BICRA: variants seen among roughly 807,000 people sequenced by gnomAD.
The protein encoded by BICRA is BRD4 interacting chromatin remodeling complex associated protein.
Under a neutral mutation model 96.9 loss-of-function variants are expected in BICRA, and 31 were observed. That is an observed-to-expected ratio of 0.32 (90% CI 0.24 to 0.43). BICRA has a LOEUF of 0.43. BICRA is among the 20% of genes least tolerant of loss of function. The pLI, the probability that BICRA is intolerant of heterozygous loss-of-function variation, is 1.00. For synonymous variants in BICRA, 1,350 were observed against 1,071.8 expected, an observed-to-expected ratio of 1.26 and a Z score of -5.07; for missense variants, 2,283 against 2,190.3, an observed-to-expected ratio of 1.04 and a Z score of -0.84.
chr19:47,637,748 A>G (rs2123530955), intron 1 of BICRA, among the ~76,000 whole-genome samples: 1 of 152,176 alleles, frequency 6.6e-6, no homozygotes, highest in Middle Eastern at 3.4e-3. Flanking sequence ...TCCTGTCTCC[A>G]TGGATTTGCC....
chr19:47,695,087 G>C lies in BICRA; in HGVS notation c.3076+7G>C. 6.7e-7 allele frequency: 1 copy of C among 1,489,100 alleles called. No individual in the cohort carries two copies. The highest frequency in any genetic ancestry group is 8.9e-7 in the Non-Finnish European group (1 of 1,127,610). The allele number at this position is 1,489,100 out of a possible 1,614,324, so 92.2% of individuals were successfully genotyped here. A position where few individuals can be genotyped will look rare whatever the true frequency, so the allele number is the denominator to read the frequency against. The stretch of plus-strand genomic sequence containing the variant: ...GCACCCATGGCCGCCACAGGTAGGA[G>C]AGAGGTCGCCTATGTGCCCAGGGAG... On this transcript the variant is annotated splice_region_variant and intron_variant, in intron 9 of 14. Coordinates refer to ENST00000594866, the MANE Select transcript of BICRA (RefSeq NM_001394372.1).
At position 47,680,556 on chromosome 19, in the gene BICRA, C is replaced by A. The variant is rs768766058; in HGVS notation, c.1386C>A (p.Ala462=). The change falls in exon 6 of 15, where the codon GCC becomes GCA. Residue 462 remains alanine, a synonymous_variant. Coordinates refer to ENST00000594866, the MANE Select transcript of BICRA (RefSeq NM_001394372.1). ...AAGGCAGCAGCATCGTCATCCCCGCCCAGCACATGCTGCCGGGCCAGAACC... is the reference window on the plus strand; with the variant it reads ...AAGGCAGCAGCATCGTCATCCCCGCACAGCACATGCTGCCGGGCCAGAACC... ...LNQGSSIVIP[A]QHMLPGQNQF... The A allele has an allele frequency of 3.8e-6, 6 of 1,590,816 alleles. No individual in the cohort carries two copies. The Admixed American group carries it at 1.1e-4, about 28-fold the overall frequency.
chr19:47,674,656 G>A (rs1972915133), intron 4 of BICRA, among the ~76,000 whole-genome samples: 2 of 152,200 alleles, frequency 1.3e-5, no homozygotes, highest in South Asian at 4.1e-4. Context: ...CCAAAGGTTT[G>A]ACTGGGGCTG....
chr19:47,624,394 C>T (rs1029090600), intron 1 of BICRA, among the ~76,000 whole-genome samples: 3 of 152,082 alleles, frequency 2.0e-5, no homozygotes, highest in Non-Finnish European at 4.4e-5. Flanking sequence ...CACAATAGAG[C>T]GAGCCACACA....
rs1973042032 is a variant in BICRA at position 47,680,991 on chromosome 19, C to T, written c.1821C>T (p.Thr607=). Residue 607 remains threonine, a synonymous_variant, in exon 6 of 15, where the codon ACC becomes ACT. Coordinates refer to ENST00000594866, the MANE Select transcript of BICRA (RefSeq NM_001394372.1). ...CCGACGGCCTGGTGCAGCCGGCCAC[C>T]CCTGCCGCTGCCACCGGGGAGGCCG... is the stretch of plus-strand genomic sequence containing the variant. ...NTPDGLVQPA[T]PAAATGEAAP... 2.7e-6 allele frequency: 4 copies of T among 1,462,572 alleles called. No individual in the cohort carries two copies. The highest frequency in any genetic ancestry group is 1.5e-5 in the African/African-American group (1 of 67,232). 90.6% of individuals were successfully genotyped at this position (1,462,572 alleles called of 1,614,324 possible).
At chr19:47,610,349 G>T (rs1420072234) in intron 1 of BICRA, among the ~76,000 whole-genome samples, 4 of 152,244 alleles carry the variant, frequency 2.6e-5, no homozygotes, top group Non-Finnish European at 4.4e-5. Context: ...GGAGGACCGG[G>T]CAAGGAGCCG....
chr19:47,685,786 T>TGTGTGTGCGC, intron 7 of BICRA, among the ~76,000 whole-genome samples: 1,574 of 117,878 alleles, frequency 0.013, 10 homozygotes, highest in Non-Finnish European at 0.018. Context: ...TGTGTGTGTG[T>TGTGTGTGCGC]GCGCGCGCGC....
At chr19:47,610,740 A>G (rs1407690764) in intron 1 of BICRA, among the ~76,000 whole-genome samples, 1 of 152,074 alleles carries the variant, frequency 6.6e-6, no homozygotes, top group Admixed American at 6.6e-5. Flanking sequence ...TCAAGGCCTG[A>G]GATTCATGAT....
chr19:47,648,937 C>T (rs1482945338), intron 1 of BICRA, among the ~76,000 whole-genome samples: 5 of 151,592 alleles, frequency 3.3e-5, no homozygotes, highest in South Asian at 2.1e-4. Flanking sequence ...CTGCAAGCTC[C>T]GCCTCCTGGG....
intron 10 of BICRA, among the ~76,000 whole-genome samples, chr19:47,696,220 A>C (rs10423076): frequency 2.0e-5 from 3 of 151,810 alleles, no homozygotes; most frequent in Admixed American, 2.0e-4. Context: ...GGCAGAGGAC[A>C]CCCAGGGCTC....
At position 47,701,074 on chromosome 19, in the gene BICRA, A is replaced by G. The variant is rs1200786138; in HGVS notation, c.3596-254A>G. 4 of 519,020 alleles carry G rather than the reference A, an allele frequency of 7.7e-6. No individual in the cohort carries two copies. The highest frequency in any genetic ancestry group is 2.0e-5 in the African/African-American group (1 of 51,038). 32.2% of individuals were successfully genotyped at this position (519,020 alleles called of 1,614,324 possible). A position where few individuals can be genotyped will look rare whatever the true frequency, so the allele number is the denominator to read the frequency against. On this transcript the variant is annotated intron_variant, in intron 14 of 14. Coordinates refer to ENST00000594866, the MANE Select transcript of BICRA (RefSeq NM_001394372.1). This position sits in a 1 kb window ranked among gnomAD's most constrained non-coding sequence, Gnocchi z 5.4. ...ATTACAGGCCTGAGCCTTGTTTTGT[A>G]TTCTCTTAATTTACTTATGTCTGAA...
intron 1 of BICRA, among the ~76,000 whole-genome samples, chr19:47,648,215 A>C (rs773470731): frequency 5.5e-5 from 8 of 145,446 alleles, no homozygotes; most frequent in Non-Finnish European, 1.2e-4. Flanking sequence ...CTGAGCCCGC[A>C]GTGGCTGCCT....
intron 1 of BICRA, among the ~76,000 whole-genome samples, chr19:47,611,001 C>T (rs1042715836): frequency 1.3e-5 from 2 of 152,138 alleles, no homozygotes; most frequent in African/African-American, 2.4e-5. Context: ...GTACATTACA[C>T]GCTGGCCACA....
rs567240700 is a variant in BICRA at position 47,612,640 on chromosome 19, TG to T, written c.-108+3478del. 7.2e-3 allele frequency among the ~76,000 whole-genome samples: 1,063 copies of T among 148,390 alleles called. 7 individuals are homozygous for T. The highest frequency in any genetic ancestry group is 0.017 in the Middle Eastern group (5 of 292). ...GGCTGGGGGGCTGAGGGAGAGGGGCTGGGGGGCTGACGGAGAGGGGCTGGAC... is the reference window on the plus strand; with the variant it reads ...GGCTGGGGGGCTGAGGGAGAGGGGCTGGGGGCTGACGGAGAGGGGCTGGAC... On this transcript the variant is annotated intron_variant, in intron 1 of 14. Coordinates refer to ENST00000594866, the MANE Select transcript of BICRA (RefSeq NM_001394372.1).
intron 1 of BICRA, among the ~76,000 whole-genome samples, chr19:47,630,306 G>A (rs1185549112): frequency 1.3e-5 from 2 of 151,386 alleles, no homozygotes; most frequent in African/African-American, 4.8e-5. Flanking sequence ...GACTATAGGC[G>A]TCCGCCACCA....
At chr19:47,652,385 C>T (rs552946313) in intron 1 of BICRA, among the ~76,000 whole-genome samples, 1 of 152,280 alleles carries the variant, frequency 6.6e-6, no homozygotes, top group South Asian at 2.1e-4. Context: ...AACAGGGTCT[C>T]ACTATGCTGC....
chr19:47,681,160 C>A lies in BICRA; in HGVS notation c.1990C>A (p.Pro664Thr). The A allele has an allele frequency of 6.6e-7, 1 of 1,521,062 alleles. No individual in the cohort carries two copies. Among genetic ancestry groups the A allele is most frequent in the Non-Finnish European group, 8.8e-7 (1 of 1,134,184 alleles). 94.2% of individuals were successfully genotyped at this position (1,521,062 alleles called of 1,614,324 possible). A position where few individuals can be genotyped will look rare whatever the true frequency, so the allele number is the denominator to read the frequency against. The change falls in exon 6 of 15, where the codon CCC (proline) becomes ACC (threonine). Residue 664 changes from proline to threonine, a missense_variant. Coordinates refer to ENST00000594866, the MANE Select transcript of BICRA (RefSeq NM_001394372.1). ...QAAAPPQATTPQPSPGLASSP... is the reference protein window; with the variant it reads ...QAAAPPQATTTQPSPGLASSP... ...CGCCGCCCCGCCTCAGGCCACCACC[C>A]CCCAGCCCAGCCCTGGCCTGGCGTC...
chr19:47,611,071 G>C (rs1971899521), intron 1 of BICRA, among the ~76,000 whole-genome samples: 1 of 152,150 alleles, frequency 6.6e-6, no homozygotes, highest in South Asian at 2.1e-4. Flanking sequence ...GTTCATGGAG[G>C]CTCAGAGAGG....
rs145440450 is a variant in BICRA at position 47,664,022 on chromosome 19, G to C, written c.-107-6421G>C. 15 of 152,316 alleles carry C rather than the reference G, an allele frequency of 9.8e-5. No homozygotes were observed. The East Asian group carries it at 2.9e-3, about 29-fold the overall frequency. The allele number at this position is 152,316 out of a possible 1,614,324, so 9.4% of individuals were successfully genotyped here. ...AGTCTTTGTTTACATCTTAGCGTTG[G>C]CAAGTGTTAACCCTGCACAGAGTCA... On this transcript the variant is annotated intron_variant, in intron 1 of 14. Transcript: ENST00000594866.
Sources: allele counts gnomAD v4.1 joint callset (sites outside exome capture counted in the v4.1 genomes callset), GRCh38; gene constraint gnomAD v4.1.1; non-coding constraint Gnocchi (gnomAD v3.1); transcripts MANE v1.5; gene names NCBI Gene and HGNC (gene_info 2026-07-23, HGNC 2026-07-21).